The following ATG7 variants were observed in gnomAD, a reference collection of about 807,000 sequenced individuals.
ATG7 encodes autophagy related 7, also known as ubiquitin-like modifier-activating enzyme ATG7.
Under a neutral mutation model 82.4 loss-of-function variants are expected in ATG7, and 70 were observed. The observed-to-expected ratio is 0.85, with a 90% confidence interval of 0.70 to 1.04. The LOEUF (loss-of-function observed/expected upper bound fraction) is 1.04. Among genes scored for constraint, ATG7 ranks in the 50% least tolerant of loss-of-function variants. The probability of loss-of-function intolerance (pLI) is 0.00; values close to 1 mark genes in which losing one functional copy is unlikely to be tolerated. For missense variants in ATG7, 792 were observed against 864.3 expected (o/e 0.92, Z 1.05); for synonymous variants, 287 against 313.0 (o/e 0.92, Z 0.88).
intron 20 of ATG7, among the ~76,000 whole-genome samples, chr3:11,484,136 G>A (rs2089338972): frequency 2.0e-5 from 3 of 152,182 alleles, no homozygotes; most frequent in African/African-American, 7.2e-5. Context: ...GCTCACACCT[G>A]TAATCCCAGC....
intron 16 of ATG7, 21 bp from the exon 17 acceptor site, chr3:11,362,792 C>T: frequency 1.9e-6 from 3 of 1,606,034 alleles, no homozygotes; most frequent in Non-Finnish European, 2.6e-6. Flanking sequence ...TCTGCACACA[C>T]CAATGATTGT....
At chr3:11,526,827 C>A (rs1466777588) in intron 20 of ATG7, among the ~76,000 whole-genome samples, 1 of 152,070 alleles carries the variant, frequency 6.6e-6, no homozygotes, top group Admixed American at 6.6e-5. Flanking sequence ...AAGAATGAAT[C>A]TAAAGTTTTA....
chr3:11,414,625 TTTCTTGCC>T (rs2081211094), intron 19 of ATG7, among the ~76,000 whole-genome samples: 2 of 152,290 alleles, frequency 1.3e-5, no homozygotes, highest in African/African-American at 4.8e-5. Flanking sequence ...TTGTTCCTGT[TTTCTTGCC>T]TTCTTGCCTT....
chr3:11,415,356 A>T (rs2081280189), intron 19 of ATG7, among the ~76,000 whole-genome samples: 2 of 152,138 alleles, frequency 1.3e-5, no homozygotes, highest in South Asian at 4.1e-4. Flanking sequence ...GAAAAACAAC[A>T]CTAAACTTAA....
chr3:11,401,968 A>T (rs2079874222), intron 19 of ATG7, among the ~76,000 whole-genome samples: 1 of 152,192 alleles, frequency 6.6e-6, no homozygotes, highest in Non-Finnish European at 1.5e-5. Flanking sequence ...TTTTATGTTG[A>T]GGTAAAACTT....
At chr3:11,492,123 T>G (rs567396253) in intron 20 of ATG7, among the ~76,000 whole-genome samples, 1,731 of 152,282 alleles carry the variant, frequency 0.011, 30 homozygotes, top group African/African-American at 0.039. Flanking sequence ...GACTCCGTGG[T>G]CATAGGACCC....
intron 14 of ATG7, among the ~76,000 whole-genome samples, chr3:11,353,022 C>T (rs765808275): frequency 2.0e-5 from 3 of 152,154 alleles, no homozygotes; most frequent in Admixed American, 6.5e-5. Context: ...TTTATTAATG[C>T]AAGATTATCT....
intron 20 of ATG7, among the ~76,000 whole-genome samples, chr3:11,434,484 A>C (rs980116388): frequency 6.6e-6 from 1 of 152,136 alleles, no homozygotes; most frequent in African/African-American, 2.4e-5. Flanking sequence ...GCAATCCCTC[A>C]AGACACAGCC....
intron 20 of ATG7, among the ~76,000 whole-genome samples, chr3:11,553,871 G>C (rs1311674859): frequency 1.3e-5 from 2 of 152,202 alleles, no homozygotes; most frequent in Non-Finnish European, 2.9e-5. Flanking sequence ...ATCTCCCCGG[G>C]CCAGCCTCGT....
intron 19 of ATG7, among the ~76,000 whole-genome samples, chr3:11,421,394 C>G (rs1052873801): frequency 6.6e-5 from 10 of 152,222 alleles, no homozygotes; most frequent in African/African-American, 2.4e-4. Flanking sequence ...GTCATTTCAA[C>G]AATGTTCACA....
intron 20 of ATG7, among the ~76,000 whole-genome samples, chr3:11,539,797 G>A (rs985895552): frequency 2.6e-5 from 4 of 152,172 alleles, no homozygotes; most frequent in Non-Finnish European, 4.4e-5. Context: ...AAACGTACTC[G>A]CTTGTGGAAC....
chr3:11,543,138 C>T (rs1004909667), intron 20 of ATG7, among the ~76,000 whole-genome samples: 3 of 152,226 alleles, frequency 2.0e-5, no homozygotes, highest in East Asian at 1.9e-4. Flanking sequence ...TGAAACCTGT[C>T]GTTTTCTCCT....
At chr3:11,277,983 A>G (rs1411514091) in intron 1 of ATG7, among the ~76,000 whole-genome samples, 2 of 142,526 alleles carry the variant, frequency 1.4e-5, no homozygotes, top group African/African-American at 5.2e-5. Flanking sequence ...TATCTTCCCT[A>G]CTTGCACGTC....
At chr3:11,305,900 A>T (rs1947640063) in intron 5 of ATG7, among the ~76,000 whole-genome samples, 1 of 152,244 alleles carries the variant, frequency 6.6e-6, no homozygotes, top group African/African-American at 2.4e-5. Context: ...CTTCTAAACT[A>T]TGCAGCTGTC....
chr3:11,475,923 C>T lies in ATG7; in HGVS notation c.2079+48997C>T, dbSNP rs554368129. On this transcript the variant is annotated intron_variant, in intron 20 of 20. Coordinates refer to ENST00000693202, the MANE Select transcript of ATG7 (RefSeq NM_001349232.2). ...CACACACACACCCCCTCCCAGAGTC[C>T]GAGCATTCTAGAGTTTCCTAACAGT... Among the ~76,000 whole-genome samples, 42 of 117,100 alleles carry T rather than the reference C, an allele frequency of 3.6e-4. 2 individuals are homozygous for T. The South Asian group carries it at 1.0e-2, about 28-fold the overall frequency. The allele number at this position is 117,100 out of a possible 152,430, so 76.8% of individuals were successfully genotyped here. A position where few individuals can be genotyped will look rare whatever the true frequency, so the allele number is the denominator to read the frequency against.
intron 12 of ATG7, 52 bp from the exon 13 acceptor site, chr3:11,342,083 C>G: frequency 6.6e-7 from 1 of 1,521,170 alleles, no homozygotes; most frequent in Non-Finnish European, 8.8e-7. Context: ...TCTTTCAGAA[C>G]AAGATTATTG....
chr3:11,341,756 G>A (rs1364802577), intron 12 of ATG7, among the ~76,000 whole-genome samples: 1 of 152,156 alleles, frequency 6.6e-6, no homozygotes, highest in Non-Finnish European at 1.5e-5. Context: ...CCTGAGCGCA[G>A]GAGATATGGG....
chr3:11,351,159 A>G (rs1269519920), intron 14 of ATG7, among the ~76,000 whole-genome samples: 1 of 152,134 alleles, frequency 6.6e-6, no homozygotes, highest in African/African-American at 2.4e-5. Context: ...CAGGTAGTGT[A>G]TTTAAGACCT....
intron 3 of ATG7, among the ~76,000 whole-genome samples, chr3:11,294,680 A>G (rs1019710156): frequency 6.6e-6 from 1 of 152,218 alleles, no homozygotes; most frequent in Non-Finnish European, 1.5e-5. Context: ...AGGCTTCAAA[A>G]TAGCACCAAA....
Sources: allele counts gnomAD v4.1 joint callset (sites outside exome capture counted in the v4.1 genomes callset), GRCh38; gene constraint gnomAD v4.1.1; transcripts MANE v1.5; gene names NCBI Gene and HGNC (gene_info 2026-07-23, HGNC 2026-07-21).